Variants in CAMK4 observed in about 807,000 individuals in gnomAD.
The protein encoded by CAMK4 is calcium/calmodulin-dependent protein kinase type IV.
A neutral mutation model predicts 44.9 loss-of-function variants in CAMK4; 22 were observed. The ratio of observed to expected loss-of-function variants is 0.49; its 90% CI spans 0.35 to 0.70. The LOEUF (loss-of-function observed/expected upper bound fraction) is 0.70, where lower values mean the gene tolerates loss of function less well. Ranked by LOEUF, CAMK4 falls within the 30% of genes least tolerant of loss-of-function variation. CAMK4 has a pLI of 0.01. For missense variants in CAMK4, 498 were observed against 586.8 expected (o/e 0.85, Z 1.56); for synonymous variants, 218 against 215.4 (o/e 1.01, Z -0.11).
intron 1 of CAMK4, among the ~76,000 whole-genome samples, chr5:111,279,321 C>T (rs1181316589): frequency 1.3e-5 from 2 of 152,104 alleles, no homozygotes; most frequent in Non-Finnish European, 2.9e-5. Context: ...CCTGACTGAG[C>T]TATTTGGAAG....
intron 1 of CAMK4, among the ~76,000 whole-genome samples, chr5:111,239,012 C>T (rs1166373900): frequency 6.6e-6 from 1 of 151,586 alleles, no homozygotes; most frequent in African/African-American, 2.4e-5. Context: ...GCTCCTGGTA[C>T]ATTATTTCCT....
chr5:111,370,831 C>A (rs1750976421), intron 2 of CAMK4, among the ~76,000 whole-genome samples: 1 of 152,098 alleles, frequency 6.6e-6, no homozygotes, highest in South Asian at 2.1e-4. Context: ...AGGAGAATCG[C>A]TTGAACTTGG....
At position 111,277,341 on chromosome 5, in the gene CAMK4, C is replaced by A. The variant is rs559785766; in HGVS notation, c.161+52697C>A. On this transcript the variant is annotated intron_variant, in intron 1 of 10. Coordinates refer to ENST00000282356, the MANE Select transcript of CAMK4 (RefSeq NM_001744.6). ...GCTAAAAAATATCCATTGAATTAAA[C>A]AGAGGAATGTGGGCATGTTATGTCA... Among the ~76,000 whole-genome samples, 10 of 152,196 alleles carry A rather than the reference C, an allele frequency of 6.6e-5. No homozygotes were observed. In the East Asian group the frequency reaches 1.5e-3, roughly 23 times the overall value.
At chr5:111,413,388 C>A (rs1387606272) in intron 5 of CAMK4, among the ~76,000 whole-genome samples, 1 of 151,772 alleles carries the variant, frequency 6.6e-6, no homozygotes, top group African/African-American at 2.4e-5. Context: ...ACCAGCCTGG[C>A]CAATATGGTG....
intron 1 of CAMK4, among the ~76,000 whole-genome samples, chr5:111,251,481 A>C (rs1052212779): frequency 6.6e-6 from 1 of 152,222 alleles, no homozygotes; most frequent in Non-Finnish European, 1.5e-5. Flanking sequence ...CTTCCTAACA[A>C]GACATGTCCA....
intron 1 of CAMK4, among the ~76,000 whole-genome samples, chr5:111,324,105 A>G (rs17463958): frequency 0.079 from 12,088 of 152,066 alleles, 659 homozygotes; most frequent in Non-Finnish European, 0.11. Context: ...GACCAAGAGA[A>G]TTGATAAAGT....
intron 1 of CAMK4, among the ~76,000 whole-genome samples, chr5:111,323,764 T>C (rs1748760133): frequency 6.6e-6 from 1 of 152,228 alleles, no homozygotes; most frequent in Non-Finnish European, 1.5e-5. Context: ...CCAAACAAAC[T>C]TTTTAATTTG....
chr5:111,431,600 C>G, intron 5 of CAMK4, among the ~76,000 whole-genome samples: 1 of 151,472 alleles, frequency 6.6e-6, no homozygotes. Context: ...AAAATATTTG[C>G]AAACTATTCC....
At chr5:111,421,240 A>T (rs1753021380) in intron 5 of CAMK4, among the ~76,000 whole-genome samples, 1 of 152,196 alleles carries the variant, frequency 6.6e-6, no homozygotes, top group South Asian at 2.1e-4. Flanking sequence ...CCTATGTCAT[A>T]GCCTATGTAC....
intron 1 of CAMK4, among the ~76,000 whole-genome samples, chr5:111,299,115 T>A (rs956729954): frequency 6.6e-6 from 1 of 152,198 alleles, no homozygotes; most frequent in Non-Finnish European, 1.5e-5. Context: ...GCCCTCGGCC[T>A]AGGAGGTGGA....
chr5:111,460,803 G>GGAATTTCACAGAAAAGC (rs1252797535), intron 7 of CAMK4, among the ~76,000 whole-genome samples: 113 of 152,088 alleles, frequency 7.4e-4, no homozygotes, highest in Non-Finnish European at 6.2e-4. Flanking sequence ...AAGGCTCAAT[G>GGAATTTCACAGAAAAGC]GAATTTCACA....
At chr5:111,371,247 C>A (rs183966375) in intron 2 of CAMK4, among the ~76,000 whole-genome samples, 29 of 142,904 alleles carry the variant, frequency 2.0e-4, no homozygotes, top group African/African-American at 8.3e-4. Flanking sequence ...ACCTGGTGCA[C>A]ACTCTAGCAA....
chr5:111,352,637 C>CAGAGAGAGAGAG lies in CAMK4; in HGVS notation c.240+8550_240+8561dup, dbSNP rs70973603. Among the ~76,000 whole-genome samples the CAGAGAGAGAGAG allele has an allele frequency of 2.5e-3, 278 of 109,170 alleles. 1 individual carries two copies. Among genetic ancestry groups the CAGAGAGAGAGAG allele is most frequent in the Admixed American group, 5.9e-3 (59 of 9,928 alleles). 71.6% of individuals were successfully genotyped at this position (109,170 alleles called of 152,430 possible). On this transcript the variant is annotated intron_variant, in intron 2 of 10. Coordinates refer to ENST00000282356, the MANE Select transcript of CAMK4 (RefSeq NM_001744.6). Reference sequence around the variant, plus strand: ...CCTGTGTCAACTCATGGCAGAATAGCAGAGAGAGAGAGAGAGAGAGAGAGA... The same window carrying CAGAGAGAGAGAG: ...CCTGTGTCAACTCATGGCAGAATAGCAGAGAGAGAGAGAGAGAGAGAGAGAGAGAGAGAGAGA...
At chr5:111,480,803 T>C (rs1194281471) in intron 9 of CAMK4, among the ~76,000 whole-genome samples, 1 of 152,202 alleles carries the variant, frequency 6.6e-6, no homozygotes, top group Non-Finnish European at 1.5e-5. Context: ...TAATCTTATT[T>C]AGCCCTCCTT....
At chr5:111,315,179 A>G (rs1748367941) in intron 1 of CAMK4, among the ~76,000 whole-genome samples, 1 of 152,088 alleles carries the variant, frequency 6.6e-6, no homozygotes, top group Non-Finnish European at 1.5e-5. Context: ...TATTAATGAA[A>G]AGGTTTTATT....
intron 7 of CAMK4, among the ~76,000 whole-genome samples, chr5:111,471,172 T>C (rs1335884028): frequency 1.3e-5 from 2 of 152,210 alleles, no homozygotes; most frequent in Non-Finnish European, 2.9e-5. Flanking sequence ...TATTTTTGTC[T>C]GCATCGATCT....
chr5:111,436,246 AT>A (rs1561487171), intron 5 of CAMK4, among the ~76,000 whole-genome samples: 2 of 152,234 alleles, frequency 1.3e-5, no homozygotes, highest in Non-Finnish European at 2.9e-5. Flanking sequence ...TACGTACTTA[AT>A]ATAGTTCTAT....
At chr5:111,277,808 AT>A (rs1263715398) in intron 1 of CAMK4, among the ~76,000 whole-genome samples, 18 of 152,136 alleles carry the variant, frequency 1.2e-4, no homozygotes, top group Admixed American at 7.9e-4. Flanking sequence ...GGACCAAATG[AT>A]TTTATAAACT....
chr5:111,441,189 C>G (rs1256372085), intron 5 of CAMK4, among the ~76,000 whole-genome samples: 2 of 152,130 alleles, frequency 1.3e-5, no homozygotes, highest in Admixed American at 1.3e-4. Context: ...AACCCATGAT[C>G]AAGACTGAGG....
Sources: gnomAD v4.1 joint callset for allele counts (sites outside exome capture counted in the v4.1 genomes callset) on GRCh38, gnomAD v4.1.1 for gene constraint, MANE v1.5 for transcripts, NCBI Gene and HGNC (gene_info 2026-07-23, HGNC 2026-07-21) for gene names.